HGF: variants seen among roughly 807,000 people sequenced by gnomAD.
HGF encodes fibroblast-derived tumor cytotoxic factor.
HGF carries 39 observed loss-of-function variants against 111.6 expected under a neutral mutation model. The observed-to-expected ratio is 0.35, with a 90% CI of 0.27 to 0.46. The LOEUF is 0.46. Among genes scored for constraint, HGF ranks in the 20% least tolerant of loss-of-function variants. The pLI is 1.00. For missense variants in HGF, 735 were observed against 910.5 expected (o/e 0.81, Z 2.48); for synonymous variants, 285 against 294.8 (o/e 0.97, Z 0.34).
intron 4 of HGF, among the ~76,000 whole-genome samples, chr7:81,752,810 A>G (rs1197881927): frequency 1.3e-5 from 2 of 152,198 alleles, no homozygotes; most frequent in East Asian, 1.9e-4. Context: ...TCACTTTCTT[A>G]CTGTGAGACC....
chr7:81,714,089 C>A (rs370274698), intron 11 of HGF, among the ~76,000 whole-genome samples: 9 of 151,766 alleles, frequency 5.9e-5, no homozygotes, highest in African/African-American at 2.2e-4. Flanking sequence ...TTCTCCCACT[C>A]TTCTTAAAGC....
chr7:81,724,291 C>A (rs552937982), intron 9 of HGF, among the ~76,000 whole-genome samples: 6 of 152,252 alleles, frequency 3.9e-5, no homozygotes, highest in Non-Finnish European at 8.8e-5. Flanking sequence ...CTTCCCTCTA[C>A]AACTCTATTT....
rs557510054 is a variant in HGF, at chr7:81,734,129, A to G, written c.866-4350T>C. Among the ~76,000 whole-genome samples the G allele has an allele frequency of 3.3e-5, 5 of 152,274 alleles. No homozygotes were observed. The South Asian group carries it at 1.0e-3, about 32-fold the overall frequency. On this transcript the variant is annotated intron_variant, in intron 7 of 17. Transcript: ENST00000222390. ...TGAAGTTGATTGTTTAGACAAAGCA[A>G]CAAGTATTTTAAAATACAGCATCCC... is the stretch of plus-strand genomic sequence containing the variant.
Position 81,729,663 on chromosome 7 carries a change from G to C in HGF, c.982C>G (p.Arg328Gly), listed in dbSNP as rs754502188. 2 of 1,613,512 alleles carry C rather than the reference G, an allele frequency of 1.2e-6. No homozygotes were observed. Among genetic ancestry groups the C allele is most frequent in the Non-Finnish European group, 1.7e-6 (2 of 1,179,538 alleles). ...NTIWNGIPCQ[R>G]WDSQYPHEHD... ...TCGTGAGGATACTGAGAATCCCAAC[G>C]CTGACATGGAATTCCATTCCAAATG... Residue 328 changes from arginine (R) to glycine (G), a missense_variant, in exon 8 of 18, where the codon CGT becomes GGT. This residue lies in a region of HGF where 553 missense variants were observed against 685.6 expected (regional missense o/e 0.81). Transcript: ENST00000222390.
chr7:81,726,101 A>G, intron 8 of HGF, 84 bp from the exon 9 acceptor site: 11 of 1,322,992 alleles, frequency 8.3e-6, no homozygotes, highest in Non-Finnish European at 1.2e-5. Context: ...AGAATTCTAG[A>G]ATGTATGCAT....
In HGF at chr7:81,717,159, T is replaced by G. The variant is rs1440545530; in HGVS notation, c.1405+73A>C. On this transcript the variant is annotated intron_variant, in intron 11 of 17. Transcript: ENST00000222390. ...GGAATAAATGCCAGACCACCTATAT[T>G]ATTTACAACTTTTAGATGAAATGTA... 3.4e-6 allele frequency: 5 copies of G among 1,479,424 alleles called. No homozygotes were observed. In the East Asian group the frequency reaches 1.1e-4, roughly 33 times the overall value. 91.6% of individuals were successfully genotyped at this position (1,479,424 alleles called of 1,614,324 possible). A position where few individuals can be genotyped will look rare whatever the true frequency, so the allele number is the denominator to read the frequency against.
chr7:81,765,055 A>C (rs1473633950), intron 1 of HGF, among the ~76,000 whole-genome samples: 1 of 152,112 alleles, frequency 6.6e-6, no homozygotes, highest in Non-Finnish European at 1.5e-5. Context: ...ATTAACTAAA[A>C]ATATAAAATT....
chr7:81,705,870 T>TAAA (rs59876148), intron 15 of HGF, 117 bp from the exon 16 acceptor site: 23 of 537,828 alleles, frequency 4.3e-5, no homozygotes, highest in East Asian at 2.5e-4. Context: ...TCCTGTTTCT[T>TAAA]AAAAAAAAAA....
chr7:81,763,974 A>C (rs1789229320), intron 1 of HGF, among the ~76,000 whole-genome samples: 1 of 152,226 alleles, frequency 6.6e-6, no homozygotes, highest in Admixed American at 6.5e-5. Context: ...TCTGTAGCTA[A>C]GAATGGCTAA....
chr7:81,741,938 CAAAAAAAAA>C (rs71520767), intron 7 of HGF, among the ~76,000 whole-genome samples: 29 of 46,352 alleles, frequency 6.3e-4, no homozygotes, highest in Non-Finnish European at 1.6e-4. Context: ...AACTCCATCT[CAAAAAAAAA>C]AAAAAAAAAA....
intron 7 of HGF, among the ~76,000 whole-genome samples, chr7:81,741,472 A>C (rs1006734576): frequency 6.6e-6 from 1 of 152,088 alleles, no homozygotes; most frequent in African/African-American, 2.4e-5. Flanking sequence ...CTTTTTAAAA[A>C]TACCCTAAAG....
chr7:81,721,994 T>A (rs1259895978), intron 9 of HGF, among the ~76,000 whole-genome samples: 2 of 152,106 alleles, frequency 1.3e-5, no homozygotes, highest in Admixed American at 1.3e-4. Flanking sequence ...TCGTTAGCAT[T>A]CTTCTGTAAA....
rs145200468 is a variant in HGF at position 81,765,901 on chromosome 7, G to C, written c.89-3029C>G. On this transcript the variant is annotated intron_variant, in intron 1 of 17. Coordinates refer to ENST00000222390, the MANE Select transcript of HGF (RefSeq NM_000601.6). ...TCCCTACTATTTTTTGTGCGTGACT[G>C]TTAGCTGAAGTTTATAAACAAAATA... 7.6e-3 allele frequency among the ~76,000 whole-genome samples: 1,154 copies of C among 152,252 alleles called. 15 individuals carry two copies. The highest frequency in any genetic ancestry group is 0.026 in the African/African-American group (1,094 of 41,558).
chr7:81,730,701 G>T (rs1297069674), intron 7 of HGF, among the ~76,000 whole-genome samples: 3 of 151,922 alleles, frequency 2.0e-5, no homozygotes, highest in Non-Finnish European at 4.4e-5. Context: ...GTAATGTTTA[G>T]TCAATCAAAA....
At chr7:81,711,547 C>G in intron 11 of HGF, 28 bp from the exon 12 acceptor site, 1 of 1,050,664 alleles carries the variant, frequency 9.5e-7, no homozygotes, top group Non-Finnish European at 1.4e-6. Context: ...TAGATAAATA[C>G]ACAATTCATA....
At chr7:81,702,958 G>T (rs1291808163) in intron 17 of HGF, among the ~76,000 whole-genome samples, 1 of 151,668 alleles carries the variant, frequency 6.6e-6, no homozygotes, top group Non-Finnish European at 1.5e-5. Context: ...TAAGTACAAA[G>T]TTTAAAGTGT....
At chr7:81,750,619 G>T (rs546674637) in intron 5 of HGF, among the ~76,000 whole-genome samples, 2 of 152,230 alleles carry the variant, frequency 1.3e-5, no homozygotes, top group South Asian at 4.1e-4. Flanking sequence ...AGTATATTTT[G>T]ATGAATGTTT....
rs5745623 is a variant in HGF at position 81,763,744 on chromosome 7, T to C, written c.89-872A>G. On this transcript the variant is annotated intron_variant, in intron 1 of 17. Transcript: ENST00000222390. Reference sequence around the variant, plus strand: ...TCACAATGCAGATCAAAATGTTTAATAGAGTGCAGCTATTGTGTAATAAGG... The same window carrying C: ...TCACAATGCAGATCAAAATGTTTAACAGAGTGCAGCTATTGTGTAATAAGG... Among the ~76,000 whole-genome samples, 759 of 152,296 alleles carry C rather than the reference T, an allele frequency of 5.0e-3. 7 individuals carry two copies. Among genetic ancestry groups the C allele is most frequent in the Non-Finnish European group, 6.2e-3 (425 of 68,006 alleles).
At position 81,710,183 on chromosome 7, in the gene HGF, C is replaced by T. The variant is rs1562873352; in HGVS notation, c.1505G>A (p.Arg502Gln). The change falls in exon 13 of 18, where the codon CGA (arginine) becomes CAA (glutamine). Residue 502 changes from arginine to glutamine, a missense_variant. Arg to Gln is a conservative substitution (Grantham distance 43). Coordinates refer to ENST00000222390, the MANE Select transcript of HGF (RefSeq NM_000601.6). The part of the protein sequence containing the change: ...QLRVVNGIPT[R>Q]TNIGWMVSLR... Reference sequence around the variant, plus strand: ...ACTAACCATCCATCCTATGTTTGTTCGTGTTGGAATCCCATTTACAACTCG... The same window carrying T: ...ACTAACCATCCATCCTATGTTTGTTTGTGTTGGAATCCCATTTACAACTCG... 2 of 1,613,006 alleles carry T rather than the reference C, an allele frequency of 1.2e-6. No homozygotes were observed. The highest frequency in any genetic ancestry group is 1.1e-5 in the South Asian group (1 of 91,068).
Sources: allele counts gnomAD v4.1 joint callset (sites outside exome capture counted in the v4.1 genomes callset), GRCh38; gene constraint gnomAD v4.1.1; regional missense constraint gnomAD v4.1.1; transcripts MANE v1.5; gene names NCBI Gene and HGNC (gene_info 2026-07-23, HGNC 2026-07-21).